The following NPAS3 variants were observed in gnomAD, a reference collection of about 807,000 sequenced individuals.
NPAS3 encodes the protein neuronal PAS domain-containing protein 3.
In NPAS3, 14 loss-of-function variants were observed where a neutral mutation model predicts 73.1. That is an observed-to-expected ratio of 0.19 (90% CI 0.13 to 0.30). NPAS3 has a LOEUF of 0.30. Among genes scored for constraint, NPAS3 ranks in the 10% least tolerant of loss-of-function variants. The probability of loss-of-function intolerance (pLI) is 1.00; values close to 1 mark genes in which losing one functional copy is unlikely to be tolerated. For missense variants in NPAS3, 1,096 were observed against 1,250.0 expected (o/e 0.88, Z 1.86); for synonymous variants, 620 against 541.5 (o/e 1.14, Z -2.01).
At chr14:33,225,026 G>A (rs1377084884) in intron 3 of NPAS3, among the ~76,000 whole-genome samples, 1 of 152,134 alleles carries the variant, frequency 6.6e-6, no homozygotes, top group East Asian at 1.9e-4. Flanking sequence ...ACAAGCCTCT[G>A]TCCAAATGGA....
At chr14:33,510,832 G>A (rs983624066) in intron 4 of NPAS3, among the ~76,000 whole-genome samples, 5 of 152,140 alleles carry the variant, frequency 3.3e-5, no homozygotes, top group East Asian at 3.9e-4. Flanking sequence ...AAGGCAAAAC[G>A]TACCCCCTCA....
rs564329785 is a variant in NPAS3 at position 33,115,640 on chromosome 14, A to G, written c.140+59646A>G. ...CAAACTATTTAGATAGAAATCATCC[A>G]TATGTGTTACCTAAATATAAAAATA... On this transcript the variant is annotated intron_variant, in intron 2 of 11. Coordinates refer to ENST00000356141, the Ensembl canonical transcript of NPAS3. Among the ~76,000 whole-genome samples, 36 of 152,318 alleles carry G rather than the reference A, an allele frequency of 2.4e-4. 1 individual carries two copies. Among genetic ancestry groups the G allele is most frequent in the Admixed American group, 2.3e-3 (35 of 15,280 alleles).
intron 2 of NPAS3, among the ~76,000 whole-genome samples, chr14:33,063,479 C>T (rs551871849): frequency 6.6e-6 from 1 of 152,220 alleles, no homozygotes; most frequent in East Asian, 1.9e-4. Context: ...TTTATTGGAA[C>T]AAGGCCATAC....
At chr14:33,153,698 A>G (rs1053135144) in intron 2 of NPAS3, among the ~76,000 whole-genome samples, 1 of 151,970 alleles carries the variant, frequency 6.6e-6, no homozygotes. Context: ...CTTTCATACA[A>G]TCGTCTTTAT....
intron 9 of NPAS3, among the ~76,000 whole-genome samples, chr14:33,789,858 G>T (rs1247750044): frequency 6.6e-6 from 1 of 151,956 alleles, no homozygotes; most frequent in Admixed American, 6.6e-5. Context: ...CAAAGTGCTG[G>T]GATTACAGGC....
chr14:33,398,230 A>C (rs1272827686), intron 4 of NPAS3, among the ~76,000 whole-genome samples: 1 of 151,804 alleles, frequency 6.6e-6, no homozygotes, highest in Non-Finnish European at 1.5e-5. Context: ...ATATTAAAGA[A>C]AGTTAAATGA....
chr14:33,752,063 AAT>A (rs749033311), intron 7 of NPAS3, among the ~76,000 whole-genome samples: 155 of 152,320 alleles, frequency 1.0e-3, no homozygotes, highest in Non-Finnish European at 1.9e-3. Flanking sequence ...TCCTGGATTG[AAT>A]GATTACTTTT....
intron 6 of NPAS3, among the ~76,000 whole-genome samples, chr14:33,734,189 T>C (rs187919378): frequency 7.6e-4 from 116 of 152,320 alleles, no homozygotes; most frequent in African/African-American, 2.6e-3. Context: ...AAATCCTGTT[T>C]CTTGGACAAT....
intron 4 of NPAS3, among the ~76,000 whole-genome samples, chr14:33,373,234 T>C (rs2046170482): frequency 6.6e-6 from 1 of 152,190 alleles, no homozygotes. Context: ...GCTTACATAA[T>C]TGTTATATAA....
chr14:33,602,099 G>A (rs774218465), intron 5 of NPAS3, among the ~76,000 whole-genome samples: 4 of 152,122 alleles, frequency 2.6e-5, no homozygotes, highest in African/African-American at 4.8e-5. Flanking sequence ...GGGAGACCTC[G>A]ATTAGCTAGA....
At chr14:33,543,981 ATATATATATATATATATATATC>A (rs2054649002) in intron 4 of NPAS3, among the ~76,000 whole-genome samples, 1 of 36,900 alleles carries the variant, frequency 2.7e-5, no homozygotes, top group South Asian at 7.0e-4. Flanking sequence ...ATATATATAT[ATATATATATATATATATATATC>A]TATATCAGGA....
At chr14:33,044,805 T>G (rs1215164884) in intron 1 of NPAS3, among the ~76,000 whole-genome samples, 1 of 152,010 alleles carries the variant, frequency 6.6e-6, no homozygotes, top group East Asian at 1.9e-4. Context: ...TGGATATGTG[T>G]GTATTAGTTA....
intron 3 of NPAS3, among the ~76,000 whole-genome samples, chr14:33,326,501 C>G (rs1031933475): frequency 5.9e-5 from 9 of 152,244 alleles, no homozygotes; most frequent in Non-Finnish European, 1.0e-4. Context: ...ACCAATAAAG[C>G]TTGTTTTCGT....
At chr14:33,401,758 C>A (rs1429840524) in intron 4 of NPAS3, among the ~76,000 whole-genome samples, 2 of 151,996 alleles carry the variant, frequency 1.3e-5, no homozygotes, top group Admixed American at 6.6e-5. Flanking sequence ...ACACTCTTAG[C>A]GTACACTAGC....
At chr14:33,357,620 G>C (rs2045397897) in intron 3 of NPAS3, among the ~76,000 whole-genome samples, 1 of 152,226 alleles carries the variant, frequency 6.6e-6, no homozygotes, top group African/African-American at 2.4e-5. Context: ...CATGTGCTTA[G>C]CGCCCCCGCG....
chr14:33,548,045 G>A (rs982986632), intron 4 of NPAS3, among the ~76,000 whole-genome samples: 14 of 152,176 alleles, frequency 9.2e-5, no homozygotes, highest in South Asian at 4.1e-4. Context: ...GAAATCAGGC[G>A]GAGGGCCAAG....
At chr14:33,051,438 T>A (rs2040708475) in intron 1 of NPAS3, among the ~76,000 whole-genome samples, 1 of 152,214 alleles carries the variant, frequency 6.6e-6, no homozygotes. Context: ...CATGTTGTTT[T>A]TCTGAAAAAC....
intron 5 of NPAS3, among the ~76,000 whole-genome samples, chr14:33,564,121 A>G (rs933842005): frequency 1.3e-5 from 2 of 152,200 alleles, no homozygotes; most frequent in Admixed American, 1.3e-4. Flanking sequence ...AAAGGAGATA[A>G]GCAAAAGTAG....
intron 4 of NPAS3, among the ~76,000 whole-genome samples, chr14:33,559,761 G>A (rs2055546119): frequency 1.3e-5 from 2 of 152,228 alleles, no homozygotes; most frequent in Admixed American, 6.5e-5. Flanking sequence ...GCTTACGCCT[G>A]TAATCCCAGC....
Sources: allele counts gnomAD v4.1 joint callset (sites outside exome capture counted in the v4.1 genomes callset), GRCh38; gene constraint gnomAD v4.1.1; transcripts MANE v1.5; gene names NCBI Gene and HGNC (gene_info 2026-07-23, HGNC 2026-07-21).